Variants in MTMR2 observed in about 807,000 individuals in gnomAD.
MTMR2 encodes phosphatidylinositol-3,5-bisphosphate 3-phosphatase MTMR2.
Under a neutral mutation model 86.9 loss-of-function variants are expected in MTMR2, and 55 were observed. The observed-to-expected ratio is 0.63, with a 90% CI of 0.51 to 0.79. The LOEUF is 0.79. Among genes scored for constraint, MTMR2 ranks in the 30% least tolerant of loss-of-function variants. MTMR2 has a pLI of 0.00. For synonymous variants in MTMR2, 241 were observed against 266.8 expected, an observed-to-expected ratio of 0.90 and a Z score of 0.94; for missense variants, 659 against 772.3, an observed-to-expected ratio of 0.85 and a Z score of 1.74.
At chr11:95,867,333 C>A (rs609598) in intron 2 of MTMR2, among the ~76,000 whole-genome samples, 1 of 151,938 alleles carries the variant, frequency 6.6e-6, no homozygotes, top group Non-Finnish European at 1.5e-5. Flanking sequence ...TACATTTCTA[C>A]ATTCAGAAAG....
intron 4 of MTMR2, 80 bp from the exon 5 acceptor site, chr11:95,862,182 A>G: frequency 6.6e-7 from 1 of 1,525,596 alleles, no homozygotes; most frequent in Non-Finnish European, 9.1e-7. Flanking sequence ...TCTTAATCAG[A>G]AATGCTTTAA....
chr11:95,909,081 C>A (rs1203290536), intron 1 of MTMR2, among the ~76,000 whole-genome samples: 1 of 152,066 alleles, frequency 6.6e-6, no homozygotes, highest in Non-Finnish European at 1.5e-5. Context: ...ACATTTTTTT[C>A]TCTGCTGTTA....
At chr11:95,876,715 C>A (rs947359897) in intron 2 of MTMR2, among the ~76,000 whole-genome samples, 1 of 151,998 alleles carries the variant, frequency 6.6e-6, no homozygotes, top group Admixed American at 6.6e-5. Context: ...CCTCCCTTCC[C>A]AGCCCTGATT....
intron 1 of MTMR2, among the ~76,000 whole-genome samples, chr11:95,908,788 T>G (rs1021544068): frequency 6.6e-6 from 1 of 152,094 alleles, no homozygotes; most frequent in South Asian, 2.1e-4. Flanking sequence ...TATCTATACG[T>G]AGATTGAAAC....
chr11:95,841,089 A>C (rs1863525481), intron 12 of MTMR2, among the ~76,000 whole-genome samples: 1 of 152,148 alleles, frequency 6.6e-6, no homozygotes, highest in South Asian at 2.1e-4. Context: ...ATTTCAAATA[A>C]ATTTGTTAGA....
In MTMR2 at chr11:95,851,526, C is replaced by T. The variant is rs774558620; in HGVS notation, c.655-777G>A. Among the ~76,000 whole-genome samples the T allele has an allele frequency of 5.2e-4, 79 of 152,222 alleles. 2 individuals carry two copies. Among genetic ancestry groups the T allele is most frequent in the Middle Eastern group, 3.4e-3 (1 of 294 alleles). Reference sequence around the variant, plus strand: ...TACAGGCATGCGCCACCATGCCCGGCTAATTTTGTATTTTTAGTAGAGACA... The same window carrying T: ...TACAGGCATGCGCCACCATGCCCGGTTAATTTTGTATTTTTAGTAGAGACA... On this transcript the variant is annotated intron_variant, in intron 7 of 14. Transcript: ENST00000346299.
At chr11:95,917,278 G>A (rs1866743629) in intron 1 of MTMR2, among the ~76,000 whole-genome samples, 1 of 152,146 alleles carries the variant, frequency 6.6e-6, no homozygotes, top group South Asian at 2.1e-4. Context: ...AAAATCTGGA[G>A]AATTTCCATT....
rs1344038984 is a variant in MTMR2 at position 95,834,626 on chromosome 11, T to TC, written c.*663dup. The TC allele has an allele frequency of 1.3e-5, 2 of 152,350 alleles. No homozygotes were observed. Among genetic ancestry groups the TC allele is most frequent in the African/African-American group, 4.8e-5 (2 of 41,418 alleles). The allele number at this position is 152,350 out of a possible 1,614,324, so 9.4% of individuals were successfully genotyped here. A position where few individuals can be genotyped will look rare whatever the true frequency, so the allele number is the denominator to read the frequency against. On this transcript the variant is annotated 3_prime_UTR_variant, in exon 15 of 15. Transcript: ENST00000346299. ...TATGGCTACTTTCTCCCCTTCATTT[T>TC]CCCCCAAGCACATCTATAAGGCCTC...
At chr11:95,885,797 G>T (rs1177580993) in intron 2 of MTMR2, among the ~76,000 whole-genome samples, 4 of 152,096 alleles carry the variant, frequency 2.6e-5, no homozygotes, top group African/African-American at 9.6e-5. Flanking sequence ...GAGGGGCTCA[G>T]GGAATAATTA....
intron 7 of MTMR2, among the ~76,000 whole-genome samples, chr11:95,851,164 G>A (rs1235444141): frequency 6.9e-6 from 1 of 144,194 alleles, no homozygotes; most frequent in Non-Finnish European, 1.5e-5. Context: ...CTGGGTTCAA[G>A]TGAATCTCCT....
chr11:95,884,654 C>CT (rs1282904777), intron 2 of MTMR2, among the ~76,000 whole-genome samples: 1 of 152,122 alleles, frequency 6.6e-6, no homozygotes, highest in Non-Finnish European at 1.5e-5. Context: ...GCAGGCTAGA[C>CT]TTTTTTTAAT....
At chr11:95,879,668 T>G (rs1468251640) in intron 2 of MTMR2, among the ~76,000 whole-genome samples, 1 of 152,144 alleles carries the variant, frequency 6.6e-6, no homozygotes, top group East Asian at 1.9e-4. Context: ...CACAATGTTC[T>G]TCTGTCCTTG....
intron 1 of MTMR2, among the ~76,000 whole-genome samples, chr11:95,910,849 T>C (rs1866478171): frequency 6.6e-6 from 1 of 152,096 alleles, no homozygotes; most frequent in Non-Finnish European, 1.5e-5. Context: ...GCACTGTTCA[T>C]GCTCTATTAG....
intron 2 of MTMR2, among the ~76,000 whole-genome samples, chr11:95,877,376 C>G (rs1204163480): frequency 9.9e-6 from 1 of 101,050 alleles, no homozygotes; most frequent in African/African-American, 4.1e-5. Context: ...ATAACACAGT[C>G]AGGGACATTT....
intron 1 of MTMR2, among the ~76,000 whole-genome samples, chr11:95,899,318 A>G (rs1302150640): frequency 6.6e-6 from 1 of 152,156 alleles, no homozygotes; most frequent in Non-Finnish European, 1.5e-5. Context: ...TGACTGAAAA[A>G]TCAGTGTGCC....
At chr11:95,846,308 G>A (rs1158827568) in intron 10 of MTMR2, among the ~76,000 whole-genome samples, 3 of 152,170 alleles carry the variant, frequency 2.0e-5, no homozygotes, top group Non-Finnish European at 4.4e-5. Flanking sequence ...CTTACTAGAA[G>A]GTAGATACTG....
At chr11:95,842,178 T>G (rs948418912) in intron 11 of MTMR2, among the ~76,000 whole-genome samples, 1 of 152,190 alleles carries the variant, frequency 6.6e-6, no homozygotes, top group Non-Finnish European at 1.5e-5. Flanking sequence ...CAGAAACATT[T>G]TGATGTGCAA....
intron 2 of MTMR2, among the ~76,000 whole-genome samples, chr11:95,881,965 T>C (rs1009206752): frequency 6.6e-6 from 1 of 152,190 alleles, no homozygotes; most frequent in African/African-American, 2.4e-5. Context: ...ATACCCTTTA[T>C]CGGGCTAAGG....
At chr11:95,881,796 T>C (rs1277306180) in intron 2 of MTMR2, among the ~76,000 whole-genome samples, 1 of 152,196 alleles carries the variant, frequency 6.6e-6, no homozygotes, top group Non-Finnish European at 1.5e-5. Context: ...ATTCCTTTCA[T>C]TTCTTGTATC....
Sources: allele counts gnomAD v4.1 joint callset (sites outside exome capture counted in the v4.1 genomes callset), GRCh38; gene constraint gnomAD v4.1.1; transcripts MANE v1.5; gene names NCBI Gene and HGNC (gene_info 2026-07-23, HGNC 2026-07-21).